Variants in KIF21A observed in about 807,000 individuals in gnomAD.
KIF21A encodes kinesin family member 21A.
Under a neutral mutation model 202.9 loss-of-function variants are expected in KIF21A, and 114 were observed. That is an observed-to-expected ratio of 0.56 (90% CI 0.48 to 0.66). The LOEUF (loss-of-function observed/expected upper bound fraction) is 0.66. KIF21A is among the 30% of genes least tolerant of loss of function. The probability of loss-of-function intolerance (pLI) is 0.00; values close to 1 mark genes in which losing one functional copy is unlikely to be tolerated. For synonymous variants in KIF21A, 667 were observed against 670.8 expected, an observed-to-expected ratio of 0.99 and a Z score of 0.09; for missense variants, 1,677 against 1,994.9, an observed-to-expected ratio of 0.84 and a Z score of 3.04.
At chr12:39,416,763 G>T (rs201627881) in intron 1 of KIF21A, among the ~76,000 whole-genome samples, 3 of 88,530 alleles carry the variant, frequency 3.4e-5, no homozygotes, top group Non-Finnish European at 6.3e-5. Context: ...ATATATATGT[G>T]TATATATATA....
Position 39,367,979 on chromosome 12 carries a change from T to C in KIF21A, c.504A>G (p.Ala168=). ...DLFDTTRDID[A]KSKKSNIRIH... is the part of the protein sequence containing the mutation. ...TTCTTATATTTGATTTTTTACTTTT[T>C]GCATCAATATCACGAGTGGTATCAA... Residue 168 remains alanine (A), a synonymous_variant, in exon 4 of 38, where the codon GCA becomes GCG. Transcript: ENST00000361418. 1 of 1,604,262 alleles carries C rather than the reference T, an allele frequency of 6.2e-7. No homozygotes were observed. Among genetic ancestry groups the C allele is most frequent in the Non-Finnish European group, 8.5e-7 (1 of 1,171,640 alleles).
At chr12:39,329,883 T>C (rs1374758433) in intron 24 of KIF21A, among the ~76,000 whole-genome samples, 3 of 152,132 alleles carry the variant, frequency 2.0e-5, no homozygotes, top group African/African-American at 7.2e-5. Flanking sequence ...GTTAAAACCA[T>C]AGATGTACGT....
chr12:39,356,950 A>G (rs994957565), intron 9 of KIF21A, 55 bp from the exon 10 acceptor site: 6 of 841,668 alleles, frequency 7.1e-6, no homozygotes, highest in South Asian at 1.5e-5. Flanking sequence ...CTTCAACAAA[A>G]CAGGAGAAAA....
intron 11 of KIF21A, among the ~76,000 whole-genome samples, chr12:39,350,302 AT>A (rs770285098): frequency 7.2e-4 from 109 of 151,936 alleles, no homozygotes; most frequent in Admixed American, 1.1e-3. Flanking sequence ...ATCCTTATTT[AT>A]TTTTCATTAG....
chr12:39,423,575 C>T (rs866671203), intron 1 of KIF21A, among the ~76,000 whole-genome samples: 2 of 151,648 alleles, frequency 1.3e-5, no homozygotes, highest in East Asian at 1.9e-4. Context: ...GCAGGCTGGG[C>T]GCCGTGGCTC....
chr12:39,379,647 A>T (rs1950487378), intron 1 of KIF21A, among the ~76,000 whole-genome samples: 1 of 152,150 alleles, frequency 6.6e-6, no homozygotes, highest in African/African-American at 2.4e-5. Flanking sequence ...TATCAGTAGG[A>T]CATTAAGGGG....
chr12:39,367,304 A>T (rs1440213618), intron 4 of KIF21A, 140 bp from the exon 5 acceptor site: 1 of 871,782 alleles, frequency 1.1e-6, no homozygotes, highest in Non-Finnish European at 1.9e-6. Context: ...GTTCAGTTAC[A>T]GGCACTTTTT....
chr12:39,329,961 C>A, intron 24 of KIF21A: 1 of 355,704 alleles, frequency 2.8e-6, no homozygotes, highest in Non-Finnish European at 5.1e-6. Context: ...AGAGAAAGAA[C>A]ACAGGGGGTT....
chr12:39,343,719 T>C (rs1947645319), intron 12 of KIF21A, among the ~76,000 whole-genome samples: 1 of 152,198 alleles, frequency 6.6e-6, no homozygotes, highest in Non-Finnish European at 1.5e-5. Flanking sequence ...TTTATGTTTA[T>C]GTTATTATTT....
chr12:39,296,455 G>A (rs1360505475), intron 37 of KIF21A, among the ~76,000 whole-genome samples: 4 of 152,098 alleles, frequency 2.6e-5, no homozygotes, highest in Non-Finnish European at 5.9e-5. Context: ...AGCAAAAGGA[G>A]ACAGACAATA....
chr12:39,434,033 G>T (rs544201112), intron 1 of KIF21A, among the ~76,000 whole-genome samples: 2 of 152,150 alleles, frequency 1.3e-5, no homozygotes, highest in Non-Finnish European at 2.9e-5. Flanking sequence ...CATGCCCATC[G>T]TTGGTGTCCT....
In KIF21A at chr12:39,357,311, C is replaced by T; in HGVS notation, c.1342G>A (p.Ala448Thr). The T allele has an allele frequency of 1.2e-6, 2 of 1,614,144 alleles. No individual in the cohort carries two copies. The highest frequency in any genetic ancestry group is 1.7e-6 in the Non-Finnish European group (2 of 1,179,992). Residue 448 changes from alanine to threonine, a missense_variant, in exon 9 of 38, where the codon GCA (alanine) becomes ACA (threonine). Around this residue, in one of 3 missense-constraint regions of KIF21A, gnomAD observed 966 missense variants for 1,180.9 expected, o/e 0.82. Transcript: ENST00000361418. Reference sequence around the variant, plus strand: ...AGCTGTGTAATTCTGGACCTCAATGCATCAACCGTCTCTTGCATGGCTTTA... The same window carrying T: ...AGCTGTGTAATTCTGGACCTCAATGTATCAACCGTCTCTTGCATGGCTTTA... ...RIKAMQETVD[A>T]LRSRITQLVS...
chr12:39,304,678 A>G, intron 35 of KIF21A, 143 bp downstream of exon 35: 1 of 613,164 alleles, frequency 1.6e-6, no homozygotes, highest in Non-Finnish European at 2.9e-6. Flanking sequence ...ACCACTAACT[A>G]TGAATGAGGA....
intron 27 of KIF21A, 149 bp downstream of exon 27, chr12:39,322,519 T>G (rs1330648330): frequency 1.6e-6 from 1 of 620,922 alleles, no homozygotes; most frequent in African/African-American, 1.8e-5. Context: ...TCCAATACCT[T>G]AGGGGAGACA....
At chr12:39,376,164 G>C (rs1348575559) in intron 1 of KIF21A, among the ~76,000 whole-genome samples, 1 of 152,058 alleles carries the variant, frequency 6.6e-6, no homozygotes, top group African/African-American at 2.4e-5. Flanking sequence ...CAATAGAAGT[G>C]TAATACAACA....
At chr12:39,357,833 C>T (rs1272516812) in intron 8 of KIF21A, among the ~76,000 whole-genome samples, 3 of 137,004 alleles carry the variant, frequency 2.2e-5, no homozygotes, top group Non-Finnish European at 3.0e-5. Flanking sequence ...TCATTTAACC[C>T]GGGAGGCGGA....
At chr12:39,428,319 G>T (rs1277244343) in intron 1 of KIF21A, among the ~76,000 whole-genome samples, 1 of 152,144 alleles carries the variant, frequency 6.6e-6, no homozygotes, top group South Asian at 2.1e-4. Context: ...TTCTAAAAAG[G>T]TTTGTCTTAA....
rs1157266802 is a variant in KIF21A at position 39,301,679 on chromosome 12, G to A, written c.4732C>T (p.Gln1578Ter). ...CAATCCTTATGTGCATTTGGAACTT[G>A]CTAAAAGAAAAAAAGTGAAATCAGC... is the stretch of plus-strand genomic sequence containing the variant. ...WDLTQKDLLQ[Q>*]VPNAHKDWVC... The change falls in exon 37 of 38, where the codon CAA becomes TAA. Residue 1578 changes from glutamine to a stop codon, truncating the protein, a stop_gained and splice_region_variant. Transcript: ENST00000361418. LOFTEE classifies it high-confidence loss of function. The A allele has an allele frequency of 6.2e-7, 1 of 1,613,710 alleles. No homozygotes were observed. Among genetic ancestry groups the A allele is most frequent in the Non-Finnish European group, 8.5e-7 (1 of 1,179,674 alleles).
At chr12:39,390,888 T>C (rs1390659650) in intron 1 of KIF21A, among the ~76,000 whole-genome samples, 1 of 152,144 alleles carries the variant, frequency 6.6e-6, no homozygotes, top group Non-Finnish European at 1.5e-5. Context: ...AAGTAAAACA[T>C]AGACAGTTAA....
Sources: gnomAD v4.1 joint callset for allele counts (sites outside exome capture counted in the v4.1 genomes callset) on GRCh38, gnomAD v4.1.1 for gene constraint, gnomAD v4.1.1 regional missense constraint, MANE v1.5 for transcripts, NCBI Gene and HGNC (gene_info 2026-07-23, HGNC 2026-07-21) for gene names.